The following REC114 variants were observed in gnomAD, a reference collection of about 807,000 sequenced individuals.
The protein encoded by REC114 is meiotic recombination protein REC114.
In REC114, 27 loss-of-function variants were observed where a neutral mutation model predicts 31.3. The ratio of observed to expected loss-of-function variants is 0.86; its 90% CI spans 0.64 to 1.19. REC114 has a LOEUF of 1.19. REC114 is among the 50% of genes most tolerant of loss of function. REC114 has a pLI of 0.00. For missense variants in REC114, 344 were observed against 326.9 expected (o/e 1.05, Z -0.40); for synonymous variants, 134 against 127.7 (o/e 1.05, Z -0.33).
intron 2 of REC114, among the ~76,000 whole-genome samples, chr15:73,476,867 T>C (rs1287274147): frequency 6.6e-6 from 1 of 152,246 alleles, no homozygotes; most frequent in Non-Finnish European, 1.5e-5. Flanking sequence ...TTGGGCATGT[T>C]TTCATTTTTC....
chr15:73,459,751 C>T (rs1457785997), intron 1 of REC114, among the ~76,000 whole-genome samples: 1 of 152,216 alleles, frequency 6.6e-6, no homozygotes, highest in Non-Finnish European at 1.5e-5. Flanking sequence ...AGAACCAGTG[C>T]ATGATTCATC....
At chr15:73,477,381 G>A (rs1893229803) in intron 2 of REC114, among the ~76,000 whole-genome samples, 2 of 151,874 alleles carry the variant, frequency 1.3e-5, no homozygotes, top group South Asian at 2.1e-4. Flanking sequence ...TATCCTTTTT[G>A]TATACTACTT....
intron 2 of REC114, among the ~76,000 whole-genome samples, chr15:73,501,109 G>T (rs1225501471): frequency 2.0e-5 from 3 of 152,142 alleles, no homozygotes; most frequent in Admixed American, 1.3e-4. Context: ...GCCATTTTTA[G>T]TACCTAGATA....
At chr15:73,511,846 G>A (rs1361578263) in intron 2 of REC114, among the ~76,000 whole-genome samples, 225 of 115,860 alleles carry the variant, frequency 1.9e-3, no homozygotes, top group Middle Eastern at 4.3e-3. Flanking sequence ...CATTTGCTGA[G>A]GAGAGCTTTA....
chr15:73,505,705 G>C (rs1893666962), intron 2 of REC114, among the ~76,000 whole-genome samples: 1 of 151,992 alleles, frequency 6.6e-6, no homozygotes, highest in African/African-American at 2.4e-5. Flanking sequence ...CTAATTTTTT[G>C]TATGTTTTAG....
intron 2 of REC114, among the ~76,000 whole-genome samples, chr15:73,489,927 C>CA (rs2141302055): frequency 6.6e-6 from 1 of 152,302 alleles, no homozygotes; most frequent in Non-Finnish European, 1.5e-5. Flanking sequence ...TACACTCAAA[C>CA]ACAGTAGAGT....
chr15:73,464,920 C>T (rs1893036995), intron 1 of REC114, among the ~76,000 whole-genome samples: 1 of 152,090 alleles, frequency 6.6e-6, no homozygotes. Context: ...GAGATGGAGT[C>T]TCACTGTGTT....
intron 2 of REC114, among the ~76,000 whole-genome samples, chr15:73,520,391 C>T (rs573982885): frequency 3.4e-4 from 52 of 152,164 alleles, no homozygotes; most frequent in East Asian, 9.7e-4. Flanking sequence ...CCACCACACC[C>T]GGCTAATTTT....
At chr15:73,500,276 A>G (rs1455135676) in intron 2 of REC114, among the ~76,000 whole-genome samples, 1 of 151,066 alleles carries the variant, frequency 6.6e-6, no homozygotes, top group Admixed American at 6.6e-5. Flanking sequence ...TGTTAAATAT[A>G]TGTGAATGAA....
At chr15:73,507,726 C>CT (rs1328654347) in intron 2 of REC114, among the ~76,000 whole-genome samples, 15 of 152,126 alleles carry the variant, frequency 9.9e-5, no homozygotes, top group Admixed American at 9.8e-4. Context: ...TAGAAACAAT[C>CT]TTTAGAGCAC....
intron 2 of REC114, among the ~76,000 whole-genome samples, chr15:73,478,196 A>G (rs1001957976): frequency 6.9e-6 from 1 of 145,128 alleles, no homozygotes; most frequent in Non-Finnish European, 1.5e-5. Flanking sequence ...CCCAGGAGAC[A>G]GAGGTTGCAG....
intron 1 of REC114, among the ~76,000 whole-genome samples, chr15:73,469,948 C>G (rs1893111022): frequency 6.6e-6 from 1 of 152,226 alleles, no homozygotes; most frequent in Non-Finnish European, 1.5e-5. Context: ...TGGCCTTACT[C>G]TAGCTTTTGA....
intron 2 of REC114, among the ~76,000 whole-genome samples, chr15:73,530,494 T>C (rs893700927): frequency 6.6e-6 from 1 of 152,078 alleles, no homozygotes; most frequent in Non-Finnish European, 1.5e-5. Context: ...CAAAAAAATT[T>C]AAAATTAGCT....
At chr15:73,487,747 G>A (rs967966534) in intron 2 of REC114, among the ~76,000 whole-genome samples, 12 of 152,214 alleles carry the variant, frequency 7.9e-5, no homozygotes, top group Admixed American at 4.6e-4. Context: ...CTCAGGAGTG[G>A]TGCTGCTCCC....
At chr15:73,549,522 G>T (rs888178042) in intron 3 of REC114, among the ~76,000 whole-genome samples, 1 of 152,090 alleles carries the variant, frequency 6.6e-6, no homozygotes, top group African/African-American at 2.4e-5. Flanking sequence ...TGAGGGGATG[G>T]ATACCCCATT....
intron 2 of REC114, among the ~76,000 whole-genome samples, chr15:73,507,834 T>C (rs1893702214): frequency 6.6e-6 from 1 of 152,100 alleles, no homozygotes; most frequent in Non-Finnish European, 1.5e-5. Flanking sequence ...ACAAAAAGAA[T>C]GAATAAACAG....
In REC114 at chr15:73,559,834, T is replaced by G. The variant is rs1894554140; in HGVS notation, c.719T>G (p.Leu240Trp). 1 of 1,612,810 alleles carries G rather than the reference T, an allele frequency of 6.2e-7. No homozygotes were observed. Among genetic ancestry groups the G allele is most frequent in the Admixed American group, 1.7e-5 (1 of 59,700 alleles). ...GAEELGPFLR[L>W]CLMDQNFPAF... ...GAAGAGTTAGGCCCCTTCCTACGTTTGTGCCTTATGGATCAGAATTTCCCA... is the reference window on the plus strand; with the variant it reads ...GAAGAGTTAGGCCCCTTCCTACGTTGGTGCCTTATGGATCAGAATTTCCCA... Residue 240 changes from leucine (L) to tryptophan (W), a missense_variant, in exon 6 of 6, where the codon TTG becomes TGG. Leu to Trp is a moderately conservative substitution (Grantham distance 61). Transcript: ENST00000331090.
chr15:73,487,626 C>G (rs750086556), intron 2 of REC114, among the ~76,000 whole-genome samples: 1 of 152,226 alleles, frequency 6.6e-6, no homozygotes, highest in South Asian at 2.1e-4. Flanking sequence ...AGGCCCTGCC[C>G]GTTAGAACTT....
chr15:73,482,667 G>T (rs1595866487), intron 2 of REC114, among the ~76,000 whole-genome samples: 1 of 152,294 alleles, frequency 6.6e-6, no homozygotes, highest in East Asian at 1.9e-4. Context: ...GCATATCATA[G>T]ATTCCTTCCT....
Sources: allele counts gnomAD v4.1 joint callset (sites outside exome capture counted in the v4.1 genomes callset), GRCh38; gene constraint gnomAD v4.1.1; transcripts MANE v1.5; gene names NCBI Gene and HGNC (gene_info 2026-07-23, HGNC 2026-07-21).